The following POU2F3 variants were observed in gnomAD, a reference collection of about 807,000 sequenced individuals.
The protein encoded by POU2F3 is POU domain, class 2, transcription factor 3.
POU2F3 carries 23 observed loss-of-function variants against 59.2 expected under a neutral mutation model. That is an observed-to-expected ratio of 0.39 (90% CI 0.28 to 0.55). POU2F3 has a LOEUF of 0.55. POU2F3 is among the 20% of genes least tolerant of loss of function. The pLI is 0.66. For synonymous variants in POU2F3, 190 were observed against 214.6 expected, an observed-to-expected ratio of 0.89 and a Z score of 1.00; for missense variants, 473 against 544.5, an observed-to-expected ratio of 0.87 and a Z score of 1.31.
upstream of POU2F3, among the ~76,000 whole-genome samples, chr11:120,240,000 C>G (rs1938593890): frequency 6.6e-6 from 1 of 152,204 alleles, no homozygotes; most frequent in Non-Finnish European, 1.5e-5. Context: ...CCCGCCCCGG[C>G]AGCACCCCCG....
chr11:120,242,683 C>T (rs1163017151), intron 1 of POU2F3, among the ~76,000 whole-genome samples: 1 of 152,154 alleles, frequency 6.6e-6, no homozygotes, highest in Non-Finnish European at 1.5e-5. Context: ...CGCACTGAGG[C>T]CAGCTGGAGT....
chr11:120,268,288 A>T, intron 2 of POU2F3, among the ~76,000 whole-genome samples: 1 of 152,144 alleles, frequency 6.6e-6, no homozygotes, highest in East Asian at 1.9e-4. Flanking sequence ...TTTTTCCACT[A>T]CTTTAGACTT....
chr11:120,305,914 A>G, intron 8 of POU2F3, 129 bp downstream of exon 8: 2 of 1,175,350 alleles, frequency 1.7e-6, no homozygotes, highest in South Asian at 3.1e-5. Context: ...ACTGGAGCCG[A>G]TGGAGAAACA....
intron 3 of POU2F3, among the ~76,000 whole-genome samples, chr11:120,289,614 G>A (rs1248074014): frequency 2.6e-5 from 4 of 152,174 alleles, no homozygotes; most frequent in African/African-American, 9.7e-5. Context: ...TGAACAGGAA[G>A]AGAAAGCCCC....
intron 3 of POU2F3, among the ~76,000 whole-genome samples, chr11:120,270,957 G>A (rs1165934962): frequency 6.6e-6 from 1 of 152,188 alleles, no homozygotes; most frequent in Non-Finnish European, 1.5e-5. Context: ...GCCTGCCAAA[G>A]TGCTGGGATT....
intron 4 of POU2F3, among the ~76,000 whole-genome samples, chr11:120,298,702 G>C (rs527603009): frequency 6.6e-6 from 1 of 152,128 alleles, no homozygotes; most frequent in South Asian, 2.1e-4. Context: ...TGCTGCTGCA[G>C]TTAGAGAATG....
chr11:120,242,034 AG>A, intron 1 of POU2F3, among the ~76,000 whole-genome samples: 1 of 152,210 alleles, frequency 6.6e-6, no homozygotes, highest in Non-Finnish European at 1.5e-5. Context: ...GCTAAACCCC[AG>A]GTGGGGTGAT....
At chr11:120,277,239 C>T (rs910430018) in intron 3 of POU2F3, among the ~76,000 whole-genome samples, 10 of 149,826 alleles carry the variant, frequency 6.7e-5, no homozygotes, top group African/African-American at 2.2e-4. Context: ...TACAGTGAGC[C>T]GAGATCGTGC....
chr11:120,286,881 A>C (rs955441930), intron 3 of POU2F3, among the ~76,000 whole-genome samples: 3 of 151,964 alleles, frequency 2.0e-5, no homozygotes, highest in African/African-American at 7.3e-5. Context: ...CTCCTCATGC[A>C]GAGATGTAAT....
At chr11:120,243,005 C>A (rs1938727855) in intron 1 of POU2F3, among the ~76,000 whole-genome samples, 1 of 152,142 alleles carries the variant, frequency 6.6e-6, no homozygotes, top group Non-Finnish European at 1.5e-5. Flanking sequence ...CCCTTCTCCT[C>A]ACTGTGAGCT....
At chr11:120,268,632 G>A (rs546932032) in intron 2 of POU2F3, among the ~76,000 whole-genome samples, 21 of 152,254 alleles carry the variant, frequency 1.4e-4, no homozygotes, top group East Asian at 3.9e-4. Flanking sequence ...ATGAGCCACC[G>A]TTTCCAGCCA....
intron 1 of POU2F3, among the ~76,000 whole-genome samples, chr11:120,241,199 A>G (rs1355168095): frequency 6.6e-6 from 1 of 152,220 alleles, no homozygotes; most frequent in Admixed American, 6.5e-5. Context: ...CAAGTGAAGA[A>G]AGCGGTACCT....
intron 9 of POU2F3, among the ~76,000 whole-genome samples, chr11:120,308,476 A>G (rs1312294502): frequency 6.6e-6 from 1 of 152,180 alleles, no homozygotes; most frequent in Non-Finnish European, 1.5e-5. Flanking sequence ...TGGCAAGGTT[A>G]AGGGAGGGTG....
At chr11:120,271,442 G>T (rs1940069634) in intron 3 of POU2F3, among the ~76,000 whole-genome samples, 1 of 152,242 alleles carries the variant, frequency 6.6e-6, no homozygotes, top group African/African-American at 2.4e-5. Context: ...TCCTAAACAG[G>T]TTGGGATGTG....
intron 2 of POU2F3, among the ~76,000 whole-genome samples, chr11:120,251,913 G>C (rs1183772312): frequency 6.7e-6 from 1 of 149,528 alleles, no homozygotes; most frequent in African/African-American, 2.5e-5. Context: ...TCCTGCCTCA[G>C]CCTCCCGAAT....
chr11:120,305,666 G>T lies in POU2F3; in HGVS notation c.650G>T (p.Gly217Val). 1.2e-6 allele frequency: 2 copies of T among 1,613,930 alleles called. No individual in the cohort carries two copies. The highest frequency in any genetic ancestry group is 8.5e-7 in the Non-Finnish European group (1 of 1,180,032). Residue 217 changes from glycine (G) to valine (V), a missense_variant, in exon 8 of 13, where the codon GGA becomes GTA. By Grantham distance (109) the Gly-to-Val change is moderately radical (BLOSUM62 -3). Transcript: ENST00000543440. Reference sequence around the variant, plus strand: ...TAGGGAGATGTGGGGCTGGCGATGGGAAAGCTGTATGGCAACGACTTCAGC... The same window carrying T: ...TAGGGAGATGTGGGGCTGGCGATGGTAAAGCTGTATGGCAACGACTTCAGC... ...FTQGDVGLAM[G>V]KLYGNDFSQT... is the part of the protein sequence containing the mutation.
chr11:120,296,860 G>A (rs11217804), intron 3 of POU2F3, among the ~76,000 whole-genome samples: 21 of 152,070 alleles, frequency 1.4e-4, no homozygotes, highest in Admixed American at 8.5e-4. Flanking sequence ...AACATAACCC[G>A]TGCATATGTC....
intron 5 of POU2F3, chr11:120,302,065 T>A: frequency 1.9e-6 from 1 of 532,840 alleles, no homozygotes; most frequent in South Asian, 2.5e-5. Flanking sequence ...GGACTGCTGT[T>A]TACATGTCTG....
At chr11:120,269,376 C>T (rs941632130) in intron 3 of POU2F3, 132 bp downstream of exon 3, 1 of 732,446 alleles carries the variant, frequency 1.4e-6, no homozygotes. Context: ...CTTTCAGGAT[C>T]AAAGGACCTT....
Sources: allele counts gnomAD v4.1 joint callset (sites outside exome capture counted in the v4.1 genomes callset), GRCh38; gene constraint gnomAD v4.1.1; transcripts MANE v1.5; gene names NCBI Gene and HGNC (gene_info 2026-07-23, HGNC 2026-07-21).